Variants in CSF1R observed in about 807,000 individuals in gnomAD.
CSF1R encodes colony stimulating factor 1 receptor.
In CSF1R, 40 loss-of-function variants were observed where a neutral mutation model predicts 110.0. The observed-to-expected ratio is 0.36, with a 90% CI of 0.28 to 0.47. The LOEUF (loss-of-function observed/expected upper bound fraction) is 0.47, where lower values mean the gene tolerates loss of function less well. Among genes scored for constraint, CSF1R ranks in the 20% least tolerant of loss-of-function variants. The pLI is 0.99. For synonymous variants in CSF1R, 523 were observed against 503.4 expected, an observed-to-expected ratio of 1.04 and a Z score of -0.52; for missense variants, 1,052 against 1,253.0, an observed-to-expected ratio of 0.84 and a Z score of 2.42.
At chr5:150,095,689 G>T (rs574738005) in intron 1 of CSF1R, among the ~76,000 whole-genome samples, 1 of 134,238 alleles carries the variant, frequency 7.4e-6, no homozygotes, top group African/African-American at 2.8e-5. Context: ...ATAAAATCCA[G>T]AACAAAAGAG....
At chr5:150,055,216 C>T (rs762251526) in intron 19 of CSF1R, 21 bp downstream of exon 19, 1 of 1,608,296 alleles carries the variant, frequency 6.2e-7, no homozygotes, top group Non-Finnish European at 8.5e-7. Context: ...CCTTTTCCCT[C>T]CCTGGGATCC....
In CSF1R at chr5:150,064,455, T is replaced by C. The variant is rs375657990; in HGVS notation, c.1627-2606A>G. ...TCGGAAGGGCGGACTGCAGGTGAAC[T>C]TCAGAGCCTCTGCGTTATAGCTTGG... is the stretch of plus-strand genomic sequence containing the variant. On this transcript the variant is annotated intron_variant, in intron 10 of 20. Coordinates refer to ENST00000675795, the MANE Select transcript of CSF1R (RefSeq NM_001288705.3). Among the ~76,000 whole-genome samples, 189 of 152,278 alleles carry C rather than the reference T, an allele frequency of 1.2e-3. 2 individuals carry two copies. In the South Asian group the frequency reaches 0.034, roughly 28 times the overall value.
chr5:150,081,702 A>G (rs1270679446), intron 1 of CSF1R, among the ~76,000 whole-genome samples: 2 of 152,138 alleles, frequency 1.3e-5, no homozygotes, highest in African/African-American at 4.8e-5. Context: ...CACCAAATAA[A>G]TGGCTCAGTA....
chr5:150,061,984 G>A, intron 10 of CSF1R, 135 bp from the exon 11 acceptor site: 2 of 1,202,968 alleles, frequency 1.7e-6, no homozygotes, highest in East Asian at 2.4e-5. Flanking sequence ...GGCCTGCTCT[G>A]GGCTGAGAGA....
chr5:150,068,316 G>C lies in CSF1R; in HGVS notation c.1525C>G (p.Pro509Ala). ...GGTGTGAAGAGGAACTCATCCGGGG[G>C]ATGCGTGTGGGCTCCTGGAAGGCAT... ...IPISAGAHTH[P>A]PDEFLFTPVV... Residue 509 changes from proline (P) to alanine (A), a missense_variant, in exon 10 of 21, where the codon CCC becomes GCC. Around this residue, in one of 5 missense-constraint regions of CSF1R, gnomAD observed 693 missense variants for 735.4 expected, o/e 0.94. Transcript: ENST00000675795. 6.2e-7 allele frequency: 1 copy of C among 1,612,428 alleles called. No individual in the cohort carries two copies.
intron 1 of CSF1R, among the ~76,000 whole-genome samples, chr5:150,084,407 G>A (rs1310847243): frequency 1.7e-5 from 1 of 59,360 alleles, no homozygotes; most frequent in Non-Finnish European, 3.3e-5. Flanking sequence ...AGGAAGGAAG[G>A]AAGGAAGGAA....
upstream of CSF1R, among the ~76,000 whole-genome samples, chr5:150,088,675 A>G (rs929977428): frequency 7.9e-5 from 12 of 152,134 alleles, no homozygotes; most frequent in African/African-American, 2.9e-4. Context: ...CTGGGATTAC[A>G]GGCATGCGCC....
At chr5:150,070,662 AT>A in intron 6 of CSF1R, 91 bp from the exon 7 acceptor site, 2 of 905,502 alleles carry the variant, frequency 2.2e-6, no homozygotes, top group Non-Finnish European at 3.1e-6. Flanking sequence ...AAAGGGGTTT[AT>A]TTTATTTTTG....
At chr5:150,072,486 CT>C (rs1758071026) in intron 6 of CSF1R, among the ~76,000 whole-genome samples, 2 of 151,774 alleles carry the variant, frequency 1.3e-5, no homozygotes, top group Non-Finnish European at 2.9e-5. Flanking sequence ...AAAACTCCAT[CT>C]AAAAAAAATA....
Position 150,057,321 on chromosome 5 carries a change from A to G in CSF1R, c.2285T>C (p.Val762Ala). The change falls in exon 16 of 21, where the codon GTA becomes GCA. Residue 762 changes from valine (V) to alanine (A), a missense_variant. Coordinates refer to ENST00000675795, the MANE Select transcript of CSF1R (RefSeq NM_001288705.3). ...AGCGAGGAAGGCCATGCCCTGGGCT[A>G]CTTGGCTGGAGAAGTGAAGCAGGTC... ...LRDLLHFSSQ[V>A]AQGMAFLASK... The G allele has an allele frequency of 6.2e-7, 1 of 1,613,964 alleles. No homozygotes were observed. The highest frequency in any genetic ancestry group is 2.2e-5 in the East Asian group (1 of 44,876).
exon 1 of CSF1R, chr5:150,113,347 G>T (rs149787411): frequency 3.3e-5 from 5 of 153,710 alleles, no homozygotes; most frequent in Middle Eastern, 1.5e-3. Context: ...GTGCTCTCAC[G>T]CTTTTGGACA....
chr5:150,101,085 G>T (rs1044766157), intron 1 of CSF1R, among the ~76,000 whole-genome samples: 1 of 150,426 alleles, frequency 6.6e-6, no homozygotes, highest in South Asian at 2.1e-4. Context: ...AAAAAAAAAA[G>T]GTGATACCTA....
At chr5:150,100,301 TTTTTTTTTTTTTC>T (rs1488505870) in intron 1 of CSF1R, among the ~76,000 whole-genome samples, 4 of 131,678 alleles carry the variant, frequency 3.0e-5, no homozygotes, top group South Asian at 5.2e-4. Context: ...TTTTTTTTTT[TTTTTTTTTTTTTC>T]TGAGACGGAG....
chr5:150,110,205 T>A lies in CSF1R; in HGVS notation c.-181+3056A>T, dbSNP rs1480891799. Reference sequence around the variant, plus strand: ...CCAGCTCATGCTCCTGCTCTTTTTTTTCAAATAGCCAATTGGAATTAGCTT... The same window carrying A: ...CCAGCTCATGCTCCTGCTCTTTTTTATCAAATAGCCAATTGGAATTAGCTT... On this transcript the variant is annotated intron_variant, in intron 1 of 21. Transcript: ENST00000286301. Among the ~76,000 whole-genome samples, 3 of 152,192 alleles carry A rather than the reference T, an allele frequency of 2.0e-5. No homozygotes were observed. The East Asian group carries it at 5.8e-4, about 29-fold the overall frequency.
Position 150,060,977 on chromosome 5 carries a change from G to C in CSF1R, c.1859-5C>G, listed in dbSNP as rs1176840765. On this transcript the variant is annotated splice_region_variant and splice_polypyrimidine_tract_variant and intron_variant, in intron 12 of 20. Coordinates refer to ENST00000675795, the MANE Select transcript of CSF1R (RefSeq NM_001288705.3). Reference sequence around the variant, plus strand: ...TCTCATCAGCATGGGCCGTGGCTGGGAGGAAGAACCACAGTCCCAAAGACA... The same window carrying C: ...TCTCATCAGCATGGGCCGTGGCTGGCAGGAAGAACCACAGTCCCAAAGACA... The C allele has an allele frequency of 6.3e-7, 1 of 1,586,230 alleles. No homozygotes were observed. The highest frequency in any genetic ancestry group is 2.3e-5 in the East Asian group (1 of 44,124).
chr5:150,061,033 G>A (rs1757490786), intron 12 of CSF1R, 61 bp from the exon 13 acceptor site: 3 of 1,185,656 alleles, frequency 2.5e-6, no homozygotes, highest in Non-Finnish European at 3.7e-6. Context: ...GCACCACACA[G>A]ATACATGGGG....
chr5:150,053,950 G>A lies in CSF1R; in HGVS notation c.*119C>T, dbSNP rs1445105517. ...TCACCTTCCCAAGTTTCAGAGCTGG[G>A]CCGAGCTGTTGAGTGAAATGACCGA... On this transcript the variant is annotated 3_prime_UTR_variant, in exon 21 of 21. Transcript: ENST00000675795. The A allele has an allele frequency of 9.7e-7, 1 of 1,032,088 alleles. No individual in the cohort carries two copies. Among genetic ancestry groups the A allele is most frequent in the Non-Finnish European group, 1.4e-6 (1 of 694,236 alleles). The allele number at this position is 1,032,088 out of a possible 1,614,324, so 63.9% of individuals were successfully genotyped here.
intron 6 of CSF1R, among the ~76,000 whole-genome samples, chr5:150,073,097 G>C (rs903319684): frequency 6.6e-6 from 1 of 152,166 alleles, no homozygotes; most frequent in Non-Finnish European, 1.5e-5. Flanking sequence ...GGGATGGAGA[G>C]GTAGGTCAAT....
intron 1 of CSF1R, among the ~76,000 whole-genome samples, chr5:150,094,063 CA>C (rs58394685): frequency 0.39 from 41,595 of 106,216 alleles, 5,695 homozygotes; most frequent in Middle Eastern, 0.45. Context: ...AATTCCATCT[CA>C]AAAAAAAAAA....
Sources: allele counts gnomAD v4.1 joint callset (sites outside exome capture counted in the v4.1 genomes callset), GRCh38; gene constraint gnomAD v4.1.1; regional missense constraint gnomAD v4.1.1; transcripts MANE v1.5; gene names NCBI Gene and HGNC (gene_info 2026-07-23, HGNC 2026-07-21).